The following LIMCH1 variants were observed in gnomAD, a reference collection of about 807,000 sequenced individuals.
LIMCH1 encodes LIM and calponin homology domains 1.
In LIMCH1, 113 loss-of-function variants were observed where a neutral mutation model predicts 176.5. The observed-to-expected ratio is 0.64, with a 90% confidence interval of 0.55 to 0.75. LIMCH1 has a LOEUF of 0.75. LIMCH1 is among the 30% of genes least tolerant of loss of function. The pLI is 0.00. For missense variants in LIMCH1, 1,674 were observed against 1,814.9 expected (o/e 0.92, Z 1.41); for synonymous variants, 619 against 645.9 (o/e 0.96, Z 0.63).
rs754039100 is a variant in LIMCH1, at chr4:41,581,100, A to ATCTG, written c.-240-17808_-240-17805dup. Reference sequence around the variant, plus strand: ...AAACTGTCTGTCTGTCTGTCCATTCATCTGTCTGTCTGTCTATCTATCTAT... The same window carrying ATCTG: ...AAACTGTCTGTCTGTCTGTCCATTCATCTGTCTGTCTGTCTGTCTATCTATCTAT... On this transcript the variant is annotated intron_variant, in intron 1 of 31. Coordinates refer to ENST00000503057, the MANE Select transcript of LIMCH1 (RefSeq NM_001330672.2). 4.2e-3 allele frequency among the ~76,000 whole-genome samples: 605 copies of ATCTG among 144,788 alleles called. 2 individuals are homozygous for ATCTG. Among genetic ancestry groups the ATCTG allele is most frequent in the African/African-American group, 0.015 (567 of 37,946 alleles). 95.0% of individuals were successfully genotyped at this position (144,788 alleles called of 152,430 possible). A position where few individuals can be genotyped will look rare whatever the true frequency, so the allele number is the denominator to read the frequency against.
chr4:41,592,437 A>G (rs1180897370), intron 1 of LIMCH1, among the ~76,000 whole-genome samples: 1 of 152,062 alleles, frequency 6.6e-6, no homozygotes, highest in Non-Finnish European at 1.5e-5. Flanking sequence ...GTTAATAACA[A>G]CTAAGTAACA....
At chr4:41,511,431 T>C (rs1312578836) in intron 2 of LIMCH1, among the ~76,000 whole-genome samples, 1 of 152,238 alleles carries the variant, frequency 6.6e-6, no homozygotes, top group Non-Finnish European at 1.5e-5. Flanking sequence ...CATCCCGAAG[T>C]GGAGATGACA....
Position 41,633,569 on chromosome 4 carries a change from G to A in LIMCH1, c.1851G>A (p.Glu617=), listed in dbSNP as rs572977394. The A allele has an allele frequency of 9.1e-6, 14 of 1,536,154 alleles. No individual in the cohort carries two copies. In the African/African-American group the frequency reaches 1.4e-4, roughly 15 times the overall value. ...SQPLVCPLAS[E]CEASGTEEKL... is the part of the protein sequence containing the mutation. The stretch of plus-strand genomic sequence containing the variant: ...CTAGGGTGTGTCCTCTGGCCTCTGA[G>A]TGTGAGGCTTCAGGGACAGAAGAGA... Residue 617 remains glutamate, a synonymous_variant, in exon 13 of 32, where the codon GAG becomes GAA. Coordinates refer to ENST00000503057, the MANE Select transcript of LIMCH1 (RefSeq NM_001330672.2).
chr4:41,607,723 T>A (rs572530519), intron 4 of LIMCH1, among the ~76,000 whole-genome samples: 3 of 152,228 alleles, frequency 2.0e-5, no homozygotes, highest in Non-Finnish European at 4.4e-5. Flanking sequence ...CTTTCTACAG[T>A]TAGTTTCTTC....
intron 1 of LIMCH1, among the ~76,000 whole-genome samples, chr4:41,462,503 TC>T (rs998229210): frequency 1.7e-4 from 26 of 152,184 alleles, no homozygotes; most frequent in African/African-American, 5.5e-4. Context: ...AGGAAAAGAA[TC>T]CCACAGGAAT....
intron 9 of LIMCH1, among the ~76,000 whole-genome samples, chr4:41,630,231 G>T (rs376393936): frequency 5.7e-4 from 87 of 152,220 alleles, no homozygotes; most frequent in Middle Eastern, 3.4e-3. Context: ...CTCCCAAAGT[G>T]CTGGGATTAC....
chr4:41,639,315 C>T (rs575628563), intron 14 of LIMCH1, among the ~76,000 whole-genome samples: 1 of 152,302 alleles, frequency 6.6e-6, no homozygotes, highest in East Asian at 1.9e-4. Flanking sequence ...GCACTTAATT[C>T]TTGATATGTT....
chr4:41,600,069 G>T (rs1386644551), intron 2 of LIMCH1, among the ~76,000 whole-genome samples: 1 of 151,952 alleles, frequency 6.6e-6, no homozygotes, highest in African/African-American at 2.4e-5. Flanking sequence ...ATAAAATTTG[G>T]GGTTTATGTT....
intron 17 of LIMCH1, 132 bp downstream of exon 17, chr4:41,647,025 A>G: frequency 1.2e-6 from 1 of 849,468 alleles, no homozygotes; most frequent in Non-Finnish European, 1.8e-6. Flanking sequence ...TACAGCTGTG[A>G]AAGTCATAGG....
upstream of LIMCH1, among the ~76,000 whole-genome samples, chr4:41,537,010 A>G (rs2078021700): frequency 1.3e-5 from 2 of 152,220 alleles, no homozygotes; most frequent in Non-Finnish European, 2.9e-5. Context: ...GTAGCTTTCT[A>G]TAAATCTAAA....
chr4:41,591,227 T>C (rs2087490953), intron 1 of LIMCH1, among the ~76,000 whole-genome samples: 1 of 151,606 alleles, frequency 6.6e-6, no homozygotes, highest in Non-Finnish European at 1.5e-5. Context: ...TCTTTTTTCT[T>C]TTTCTTTCTT....
In LIMCH1 at chr4:41,684,733, C is replaced by T. The variant is rs562574252; in HGVS notation, c.3967+215C>T. On this transcript the variant is annotated intron_variant, in intron 27 of 31. Transcript: ENST00000503057. Reference sequence around the variant, plus strand: ...ACTCAGTGAGACCTGAGAGCGTGTTCGCACTTAAAAAAAAAATGTAACTTT... The same window carrying T: ...ACTCAGTGAGACCTGAGAGCGTGTTTGCACTTAAAAAAAAAATGTAACTTT... Among the ~76,000 whole-genome samples the T allele has an allele frequency of 7.9e-5, 12 of 151,930 alleles. 1 individual carries two copies. In the South Asian group the frequency reaches 1.0e-3, roughly 13 times the overall value.
At chr4:41,578,883 T>A (rs2084935673) in intron 1 of LIMCH1, among the ~76,000 whole-genome samples, 1 of 152,014 alleles carries the variant, frequency 6.6e-6, no homozygotes, top group Admixed American at 6.6e-5. Context: ...TAAATTTTTT[T>A]ATAGAGACAG....
At chr4:41,403,988 G>A (rs2058715730) in intron 1 of LIMCH1, among the ~76,000 whole-genome samples, 1 of 152,220 alleles carries the variant, frequency 6.6e-6, no homozygotes, top group African/African-American at 2.4e-5. Flanking sequence ...GAACTGAGAA[G>A]TGTTTGATGT....
At chr4:41,364,888 T>C (rs1465800824) in intron 1 of LIMCH1, among the ~76,000 whole-genome samples, 1 of 152,100 alleles carries the variant, frequency 6.6e-6, no homozygotes, top group Non-Finnish European at 1.5e-5. Context: ...TCCCTTTTAT[T>C]ATTTCCTTCT....
At chr4:41,553,381 A>G (rs1485992955) in intron 1 of LIMCH1, among the ~76,000 whole-genome samples, 1 of 152,176 alleles carries the variant, frequency 6.6e-6, no homozygotes, top group Admixed American at 6.5e-5. Flanking sequence ...ATTTGGAGAA[A>G]TCTTCCTAAA....
At chr4:41,665,997 A>G (rs1050691300) in intron 20 of LIMCH1, among the ~76,000 whole-genome samples, 1 of 152,248 alleles carries the variant, frequency 6.6e-6, no homozygotes, top group African/African-American at 2.4e-5. Context: ...TCAGATACTA[A>G]GGCACTGTTC....
chr4:41,583,858 A>G (rs1189812191), intron 1 of LIMCH1, among the ~76,000 whole-genome samples: 1 of 152,058 alleles, frequency 6.6e-6, no homozygotes, highest in Non-Finnish European at 1.5e-5. Flanking sequence ...TATCAGCAGA[A>G]TATTTCAAGA....
At chr4:41,474,560 G>A (rs928317567) in intron 1 of LIMCH1, among the ~76,000 whole-genome samples, 1 of 152,136 alleles carries the variant, frequency 6.6e-6, no homozygotes, top group African/African-American at 2.4e-5. Flanking sequence ...ATGGCCAACA[G>A]ATATATGAAA....
Sources: allele counts gnomAD v4.1 joint callset (sites outside exome capture counted in the v4.1 genomes callset), GRCh38; gene constraint gnomAD v4.1.1; transcripts MANE v1.5; gene names NCBI Gene and HGNC (gene_info 2026-07-23, HGNC 2026-07-21).